The following SMG7 variants were observed in gnomAD, a reference collection of about 807,000 sequenced individuals.
SMG7 encodes nonsense-mediated mRNA decay factor SMG7.
A neutral mutation model predicts 148.2 loss-of-function variants in SMG7; 34 were observed. The observed-to-expected ratio is 0.23, with a 90% CI of 0.17 to 0.31. The LOEUF (loss-of-function observed/expected upper bound fraction) is 0.31. SMG7 is among the 10% of genes least tolerant of loss of function. SMG7 has a pLI of 1.00. For synonymous variants in SMG7, 492 were observed against 515.1 expected (o/e 0.96, Z 0.61); for missense variants, 1,114 against 1,408.4 (o/e 0.79, Z 3.35).
At chr1:183,502,863 C>G (rs1271663188) in intron 1 of SMG7, among the ~76,000 whole-genome samples, 6 of 152,168 alleles carry the variant, frequency 3.9e-5, no homozygotes, top group Non-Finnish European at 8.8e-5. Flanking sequence ...TGATAGTATG[C>G]TAGAGAAGCC....
rs541431027 is a variant in SMG7 at position 183,477,200 on chromosome 1, G to A, written c.29+4551G>A. Among the ~76,000 whole-genome samples, 16 of 152,224 alleles carry A rather than the reference G, an allele frequency of 1.1e-4. No homozygotes were observed. In the South Asian group the frequency reaches 1.2e-3, roughly 12 times the overall value. On this transcript the variant is annotated intron_variant, in intron 1 of 22. Transcript: ENST00000688051. ...TATAAAAGGTGGCACAGGTGCCACCGAATGACTTCTGCTGCCATTGTGGGA... is the reference window on the plus strand; with the variant it reads ...TATAAAAGGTGGCACAGGTGCCACCAAATGACTTCTGCTGCCATTGTGGGA...
intron 1 of SMG7, among the ~76,000 whole-genome samples, chr1:183,497,466 G>A (rs1320220002): frequency 6.6e-6 from 1 of 152,192 alleles, no homozygotes; most frequent in Admixed American, 6.5e-5. Flanking sequence ...AGTTCCAGGG[G>A]TGCAAATGCC....
chr1:183,495,812 G>C (rs1658343135), intron 1 of SMG7, among the ~76,000 whole-genome samples: 1 of 151,854 alleles, frequency 6.6e-6, no homozygotes. Context: ...AGGTTGCAAT[G>C]AGCCCAGATT....
rs1222312409 is a variant in SMG7 at position 183,553,313 on chromosome 1, G to A, written c.*1382G>A. On this transcript the variant is annotated 3_prime_UTR_variant, in exon 23 of 23. Transcript: ENST00000688051. The stretch of plus-strand genomic sequence containing the variant: ...TCCTGGAAAAGTAATATTTTAAGGG[G>A]AAATTATGGAAACAATCTAATTGTT... The A allele has an allele frequency of 1.8e-6, 2 of 1,090,780 alleles. No homozygotes were observed. The highest frequency in any genetic ancestry group is 2.6e-5 in the East Asian group (1 of 38,516). 67.6% of individuals were successfully genotyped at this position (1,090,780 alleles called of 1,614,324 possible).
chr1:183,507,470 A>G (rs183572644), intron 1 of SMG7, among the ~76,000 whole-genome samples: 20 of 152,194 alleles, frequency 1.3e-4, no homozygotes, highest in Non-Finnish European at 2.2e-4. Context: ...CTGGAGCCAT[A>G]TTGATTATGC....
intron 4 of SMG7, among the ~76,000 whole-genome samples, chr1:183,522,865 C>G (rs1665064862): frequency 6.6e-6 from 1 of 151,828 alleles, no homozygotes; most frequent in Non-Finnish European, 1.5e-5. Context: ...GCCTCAGACT[C>G]CTTGGCTCAA....
At chr1:183,492,246 T>C (rs1657228859) in intron 1 of SMG7, among the ~76,000 whole-genome samples, 1 of 152,254 alleles carries the variant, frequency 6.6e-6, no homozygotes, top group East Asian at 1.9e-4. Flanking sequence ...TTTAAAATTT[T>C]CATCCAGTTG....
intron 2 of SMG7, among the ~76,000 whole-genome samples, chr1:183,514,581 C>T (rs1244272832): frequency 2.0e-5 from 3 of 152,160 alleles, no homozygotes; most frequent in African/African-American, 7.2e-5. Flanking sequence ...GTACCATTTA[C>T]CTTTTCTTAG....
At chr1:183,542,723 G>A (rs1029614961) in intron 14 of SMG7, among the ~76,000 whole-genome samples, 15 of 151,996 alleles carry the variant, frequency 9.9e-5, no homozygotes, top group Non-Finnish European at 1.3e-4. Context: ...TGACACTTTC[G>A]TCAGTCTTCA....
At position 183,527,836 on chromosome 1, in the gene SMG7, T is replaced by C; in HGVS notation, c.485-120T>C. Reference sequence around the variant, plus strand: ...AATTTGTTTTAAAGTATTTTGTCTTTAATTTTAAATTAACTTTAATGTCTT... The same window carrying C: ...AATTTGTTTTAAAGTATTTTGTCTTCAATTTTAAATTAACTTTAATGTCTT... On this transcript the variant is annotated intron_variant, in intron 5 of 22. Coordinates refer to ENST00000688051, the MANE Select transcript of SMG7 (RefSeq NM_001375584.1). This position sits in a 1 kb window ranked among gnomAD's most constrained non-coding sequence, Gnocchi z 4.0. 1.0e-5 allele frequency: 7 copies of C among 685,704 alleles called. No individual in the cohort carries two copies. Among genetic ancestry groups the C allele is most frequent in the South Asian group, 8.6e-5 (5 of 57,820 alleles). 42.5% of individuals were successfully genotyped at this position (685,704 alleles called of 1,614,324 possible).
intron 14 of SMG7, among the ~76,000 whole-genome samples, chr1:183,542,923 A>ATGTG (rs1418302270): frequency 3.2e-4 from 31 of 96,718 alleles, no homozygotes; most frequent in African/African-American, 7.5e-4. Context: ...TATAATATAT[A>ATGTG]TATATGTGTG....
chr1:183,534,928 A>G (rs948596163), intron 10 of SMG7, among the ~76,000 whole-genome samples: 1 of 151,924 alleles, frequency 6.6e-6, no homozygotes, highest in Non-Finnish European at 1.5e-5. Flanking sequence ...TCTTTCCATG[A>G]TATATTGACA....
At chr1:183,522,996 T>G (rs565244082) in intron 4 of SMG7, among the ~76,000 whole-genome samples, 17 of 152,238 alleles carry the variant, frequency 1.1e-4, no homozygotes, top group African/African-American at 3.1e-4. Context: ...TAGTTTTAAC[T>G]TCTTAGCTAC....
chr1:183,545,679 C>G (rs1669798060), intron 16 of SMG7, among the ~76,000 whole-genome samples: 1 of 152,134 alleles, frequency 6.6e-6, no homozygotes, highest in Admixed American at 6.5e-5. Flanking sequence ...GTTGGAAGCA[C>G]AGCACTTGAA....
intron 17 of SMG7, 150 bp from the exon 18 acceptor site, chr1:183,546,953 G>A: frequency 1.4e-6 from 1 of 725,180 alleles, no homozygotes. Flanking sequence ...CTTTGCCTTT[G>A]CATTTCAGAG....
intron 1 of SMG7, among the ~76,000 whole-genome samples, chr1:183,485,792 A>C (rs887051779): frequency 2.0e-5 from 3 of 152,180 alleles, no homozygotes; most frequent in African/African-American, 7.2e-5. Flanking sequence ...GCATGTATGA[A>C]ATTTAAATCT....
At chr1:183,498,178 TAGAA>T (rs1658958996) in intron 1 of SMG7, among the ~76,000 whole-genome samples, 1 of 152,210 alleles carries the variant, frequency 6.6e-6, no homozygotes, top group Non-Finnish European at 1.5e-5. Context: ...TGTTCCAAGT[TAGAA>T]AGTTGAACTT....
intron 15 of SMG7, 50 bp from the exon 16 acceptor site, chr1:183,544,880 A>T (rs1288811126): frequency 1.9e-6 from 3 of 1,564,902 alleles, no homozygotes; most frequent in Non-Finnish European, 2.6e-6. Context: ...CTTTTTTTGC[A>T]ATTTTTTGCT....
chr1:183,483,154 A>G (rs1358143745), intron 1 of SMG7, among the ~76,000 whole-genome samples: 1 of 152,136 alleles, frequency 6.6e-6, no homozygotes, highest in East Asian at 1.9e-4. Flanking sequence ...GCTATATTGC[A>G]TTAATATTCT....
Sources: gnomAD v4.1 joint callset for allele counts (sites outside exome capture counted in the v4.1 genomes callset) on GRCh38, gnomAD v4.1.1 for gene constraint, Gnocchi (gnomAD v3.1) non-coding constraint, MANE v1.5 for transcripts, NCBI Gene and HGNC (gene_info 2026-07-23, HGNC 2026-07-21) for gene names.